Variants in CACNA1C observed in about 807,000 individuals in gnomAD.
The protein encoded by CACNA1C is voltage-dependent L-type calcium channel subunit alpha-1C.
In CACNA1C, 30 loss-of-function variants were observed where a neutral mutation model predicts 229.0. The observed-to-expected ratio is 0.13, with a 90% CI of 0.10 to 0.18. CACNA1C has a LOEUF of 0.18. Ranked by LOEUF, CACNA1C falls within the 10% of genes least tolerant of loss-of-function variation. The pLI, the probability that CACNA1C is intolerant of heterozygous loss-of-function variation, is 1.00. For missense variants in CACNA1C, 1,658 were observed against 2,845.0 expected (o/e 0.58, Z 9.49); for synonymous variants, 1,114 against 1,132.5 (o/e 0.98, Z 0.33).
intron 3 of CACNA1C, among the ~76,000 whole-genome samples, chr12:2,322,095 T>C (rs957800095): frequency 6.6e-6 from 1 of 152,252 alleles, no homozygotes. Flanking sequence ...ATTTGCACTT[T>C]GGGTCAATTG....
At chr12:2,548,984 G>A (rs11062271) in intron 9 of CACNA1C, among the ~76,000 whole-genome samples, 96,197 of 152,084 alleles carry the variant, frequency 0.63, 32,358 homozygotes, top group East Asian at 0.74. Context: ...ACTAAGGAAC[G>A]CATTGTATCA....
chr12:2,459,532 G>A (rs1351335500), intron 5 of CACNA1C, among the ~76,000 whole-genome samples: 3 of 152,184 alleles, frequency 2.0e-5, no homozygotes, highest in Non-Finnish European at 4.4e-5. Flanking sequence ...GCAGAGCTGA[G>A]CACACAAGCA....
Position 2,348,386 on chromosome 12 carries a change from C to T in CACNA1C, c.478-100590C>T, listed in dbSNP as rs56131855. The stretch of plus-strand genomic sequence containing the variant: ...GCTCCCGGCCCACGACTGAGTCACG[C>T]GGCTTCTTAGCAACTTAGTCAATCC... On this transcript the variant is annotated intron_variant, in intron 3 of 46. Coordinates refer to ENST00000399655, the MANE Select transcript of CACNA1C (RefSeq NM_000719.7). The surrounding 1 kb of genome is among the most constrained non-coding windows in gnomAD (Gnocchi z 4.7). Among the ~76,000 whole-genome samples, 43 of 152,318 alleles carry T rather than the reference C, an allele frequency of 2.8e-4. No homozygotes were observed. The highest frequency in any genetic ancestry group is 9.9e-4 in the African/African-American group (41 of 41,580).
intron 3 of CACNA1C, among the ~76,000 whole-genome samples, chr12:2,173,845 T>A (rs1179822344): frequency 1.3e-5 from 2 of 152,140 alleles, no homozygotes; most frequent in Non-Finnish European, 2.9e-5. Flanking sequence ...ACCAGATGTG[T>A]CCTGCTATGA....
intron 3 of CACNA1C, among the ~76,000 whole-genome samples, chr12:2,424,155 G>A (rs2099005903): frequency 6.6e-6 from 1 of 152,258 alleles, no homozygotes; most frequent in African/African-American, 2.4e-5. Flanking sequence ...GAGGCTAACA[G>A]CTCTGTGTTT....
intron 13 of CACNA1C, among the ~76,000 whole-genome samples, chr12:2,571,554 C>T (rs900366832): frequency 1.3e-5 from 2 of 152,116 alleles, no homozygotes; most frequent in South Asian, 2.1e-4. Flanking sequence ...TTTTTAATCA[C>T]CAATTTATTT....
At chr12:2,073,090 C>T (rs184122709) in intron 1 of CACNA1C, among the ~76,000 whole-genome samples, 12 of 152,286 alleles carry the variant, frequency 7.9e-5, no homozygotes, top group African/African-American at 2.4e-5. Flanking sequence ...AAACCACACT[C>T]GTTTGAGAAG....
intron 1 of CACNA1C, among the ~76,000 whole-genome samples, chr12:2,114,528 GAC>G (rs1389233907): frequency 6.6e-6 from 1 of 152,204 alleles, no homozygotes; most frequent in African/African-American, 2.4e-5. Flanking sequence ...GGGATTTGTT[GAC>G]ATGATTTAAA....
intron 1 of CACNA1C, chr12:2,011,255 G>A (rs915231211): frequency 6.6e-6 from 1 of 151,900 alleles, no homozygotes; most frequent in Admixed American, 6.6e-5. Flanking sequence ...GACAATGGAA[G>A]TTGCTGGCCA....
chr12:2,428,498 C>T (rs980328730), intron 3 of CACNA1C, among the ~76,000 whole-genome samples: 1 of 152,244 alleles, frequency 6.6e-6, no homozygotes, highest in Admixed American at 6.5e-5. Context: ...CTGCCACCTT[C>T]CTGAGGCACA....
At chr12:2,223,891 T>C (rs1318287957) in intron 3 of CACNA1C, among the ~76,000 whole-genome samples, 15 of 152,184 alleles carry the variant, frequency 9.9e-5, no homozygotes, top group Non-Finnish European at 2.9e-5. Flanking sequence ...TAAATGATAA[T>C]ACACAAATAT....
chr12:2,457,732 A>G (rs1596890441), intron 5 of CACNA1C, 26 bp downstream of exon 5: 4 of 1,542,938 alleles, frequency 2.6e-6, no homozygotes, highest in Admixed American at 1.9e-5. Flanking sequence ...TCTTGTGTAC[A>G]GTGTTATCTC....
intron 1 of CACNA1C, among the ~76,000 whole-genome samples, chr12:2,061,214 G>T (rs2057370705): frequency 6.6e-6 from 1 of 151,790 alleles, no homozygotes; most frequent in African/African-American, 2.4e-5. Flanking sequence ...CCAAATAGGA[G>T]AATGAGTGTA....
rs1466228412 is a variant in CACNA1C at position 2,120,681 on chromosome 12, TGTGTGTGTGTG to T, written c.477+252_477+262del. ...CTGTGTGTGTGTGTGTGTGTGTGTGTGTGTGTGTGTGTGTGTTTAGTAGCAAATCCCGTGAC... is the reference window on the plus strand; with the variant it reads ...CTGTGTGTGTGTGTGTGTGTGTGTGTTGTGTTTAGTAGCAAATCCCGTGAC... On this transcript the variant is annotated intron_variant, in intron 3 of 46. Coordinates refer to ENST00000399655, the MANE Select transcript of CACNA1C (RefSeq NM_000719.7). 6.9e-4 allele frequency among the ~76,000 whole-genome samples: 104 copies of T among 151,322 alleles called. 1 individual carries two copies. Among genetic ancestry groups the T allele is most frequent in the East Asian group, 3.9e-3 (20 of 5,140 alleles).
At chr12:2,097,168 T>C (rs753214287) in intron 1 of CACNA1C, among the ~76,000 whole-genome samples, 17 of 152,148 alleles carry the variant, frequency 1.1e-4, no homozygotes, top group Non-Finnish European at 1.6e-4. Context: ...TTTTTTGAGA[T>C]GGAGTCTTGC....
At chr12:2,301,535 C>T (rs1048770679) in intron 3 of CACNA1C, among the ~76,000 whole-genome samples, 7 of 152,266 alleles carry the variant, frequency 4.6e-5, no homozygotes, top group African/African-American at 1.7e-4. Context: ...GCCACCCCAC[C>T]AGAGAGTCAC....
At chr12:1,972,277 A>G (rs1366883164) in intron 1 of CACNA1C, among the ~76,000 whole-genome samples, 3 of 152,240 alleles carry the variant, frequency 2.0e-5, no homozygotes, top group African/African-American at 4.8e-5. Context: ...AATATTTTCA[A>G]TGTAAGGATG....
intron 1 of CACNA1C, among the ~76,000 whole-genome samples, chr12:2,000,752 C>T (rs577452190): frequency 1.8e-4 from 28 of 152,214 alleles, no homozygotes; most frequent in African/African-American, 6.5e-4. Context: ...AAAGAGATAA[C>T]CAGGCCGGGC....
intron 3 of CACNA1C, among the ~76,000 whole-genome samples, chr12:2,267,323 C>A (rs1240870861): frequency 6.6e-6 from 1 of 152,062 alleles, no homozygotes; most frequent in Non-Finnish European, 1.5e-5. Context: ...ATTATTCTCC[C>A]CAGTTAAAAA....
Sources: gnomAD v4.1 joint callset for allele counts (sites outside exome capture counted in the v4.1 genomes callset) on GRCh38, gnomAD v4.1.1 for gene constraint, Gnocchi (gnomAD v3.1) non-coding constraint, MANE v1.5 for transcripts, NCBI Gene and HGNC (gene_info 2026-07-23, HGNC 2026-07-21) for gene names.